Variants in PAX7 observed in about 807,000 individuals in gnomAD.
PAX7 encodes the protein paired box 7.
Under a neutral mutation model 50.7 loss-of-function variants are expected in PAX7, and 18 were observed. The ratio of observed to expected loss-of-function variants is 0.36; its 90% CI spans 0.25 to 0.53. The LOEUF is 0.53. Among genes scored for constraint, PAX7 ranks in the 20% least tolerant of loss-of-function variants. PAX7 has a pLI of 0.93. For missense variants in PAX7, 644 were observed against 702.9 expected (o/e 0.92, Z 0.95); for synonymous variants, 310 against 290.4 (o/e 1.07, Z -0.69).
At position 18,636,841 on chromosome 1, in the gene PAX7, C is replaced by T. The variant is rs1340752210; in HGVS notation, c.586+470C>T. Among the ~76,000 whole-genome samples, 1 of 152,200 alleles carries T rather than the reference C, an allele frequency of 6.6e-6. No homozygotes were observed. The highest frequency in any genetic ancestry group is 2.4e-5 in the African/African-American group (1 of 41,464). ...AATTTGTTAACCAGACCCCCACACG[C>T]TCTCTAAACGGTCCCTTGAAACCCC... On this transcript the variant is annotated intron_variant, in intron 4 of 8. Transcript: ENST00000420770. This position sits in a 1 kb window ranked among gnomAD's most constrained non-coding sequence, Gnocchi z 5.1.
intron 4 of PAX7, among the ~76,000 whole-genome samples, chr1:18,649,336 G>GAC (rs1415472381): frequency 6.6e-6 from 1 of 152,124 alleles, no homozygotes; most frequent in Non-Finnish European, 1.5e-5. Flanking sequence ...TGTTTAATGT[G>GAC]ACACATGCCT....
Position 18,735,989 on chromosome 1 carries a change from A to G in PAX7, c.1402+111A>G. 6.2e-7 allele frequency: 1 copy of G among 1,611,878 alleles called. No individual in the cohort carries two copies. The highest frequency in any genetic ancestry group is 8.5e-7 in the Non-Finnish European group (1 of 1,178,580). On this transcript the variant is annotated intron_variant, in intron 8 of 8. Coordinates refer to ENST00000420770, the MANE Select transcript of PAX7 (RefSeq NM_001135254.2). The surrounding 1 kb of genome is among the most constrained non-coding windows in gnomAD (Gnocchi z 4.0). ...GGTGGTGTCAGGGTGGGGAATGTCC[A>G]TTTCACAGATGGAAAAATTGAAGTC...
chr1:18,732,843 T>C (rs2089662846), intron 7 of PAX7, among the ~76,000 whole-genome samples: 1 of 152,004 alleles, frequency 6.6e-6, no homozygotes, highest in African/African-American at 2.4e-5. Flanking sequence ...CCTCCCATCA[T>C]CCCATCCGGG....
At chr1:18,631,712 G>T (rs746245699) in intron 1 of PAX7, 24 bp downstream of exon 1, 16 of 1,590,302 alleles carry the variant, frequency 1.0e-5, no homozygotes, top group Non-Finnish European at 1.2e-5. Context: ...GGCTGGCCTC[G>T]CCGCGACTCC....
intron 4 of PAX7, among the ~76,000 whole-genome samples, chr1:18,643,554 T>G (rs967544025): frequency 6.6e-6 from 1 of 151,028 alleles, no homozygotes; most frequent in Non-Finnish European, 1.5e-5. Context: ...ACCGAGAGAC[T>G]GGCCCTGGGA....
chr1:18,709,336 C>T (rs942146125), intron 7 of PAX7, among the ~76,000 whole-genome samples: 1 of 152,186 alleles, frequency 6.6e-6, no homozygotes, highest in South Asian at 2.1e-4. Flanking sequence ...CTCCTTTGTT[C>T]CTTTCTGGAG....
In PAX7 at chr1:18,700,077, CGTGTGTGTGTGTGT is replaced by C. The variant is rs66600721; in HGVS notation, c.787-549_787-536del. Among the ~76,000 whole-genome samples, 206 of 145,766 alleles carry C rather than the reference CGTGTGTGTGTGTGT, an allele frequency of 1.4e-3. No homozygotes were observed. The highest frequency in any genetic ancestry group is 6.9e-3 in the South Asian group (30 of 4,352). Reference sequence around the variant, plus strand: ...TTATCCCACTAATGTTTGATAAATCCGTGTGTGTGTGTGTGTGTGTGTGTGTGTGTGTGTGTGTG... The same window carrying C: ...TTATCCCACTAATGTTTGATAAATCCGTGTGTGTGTGTGTGTGTGTGTGTG... On this transcript the variant is annotated intron_variant, in intron 5 of 8. Coordinates refer to ENST00000420770, the MANE Select transcript of PAX7 (RefSeq NM_001135254.2). The surrounding 1 kb of genome is among the most constrained non-coding windows in gnomAD (Gnocchi z 4.8).
rs922254017 is a variant in PAX7, at chr1:18,747,156, G to T, written c.*2227G>T. Reference sequence around the variant, plus strand: ...TCCATCTGGAGGCCTGGCTCAGAAAGTATCTGAGTATCCTGACACCCTCTG... The same window carrying T: ...TCCATCTGGAGGCCTGGCTCAGAAATTATCTGAGTATCCTGACACCCTCTG... On this transcript the variant is annotated 3_prime_UTR_variant, in exon 9 of 9. Transcript: ENST00000420770. 1.0e-4 allele frequency: 23 copies of T among 229,812 alleles called. No individual in the cohort carries two copies. The highest frequency in any genetic ancestry group is 1.6e-4 in the Non-Finnish European group (19 of 115,958). 14.2% of individuals were successfully genotyped at this position (229,812 alleles called of 1,614,324 possible). A position where few individuals can be genotyped will look rare whatever the true frequency, so the allele number is the denominator to read the frequency against.
At chr1:18,740,013 G>A (rs1352717394) in intron 8 of PAX7, among the ~76,000 whole-genome samples, 1 of 152,174 alleles carries the variant, frequency 6.6e-6, no homozygotes, top group African/African-American at 2.4e-5. Flanking sequence ...GGCGCTGACG[G>A]CTGAGATTGT....
At chr1:18,722,437 G>A (rs368781699) in intron 7 of PAX7, among the ~76,000 whole-genome samples, 2 of 152,300 alleles carry the variant, frequency 1.3e-5, no homozygotes, top group East Asian at 3.9e-4. Context: ...TGTTTGGTAC[G>A]TCAATGCCGT....
At chr1:18,669,913 G>A (rs184760650) in intron 4 of PAX7, among the ~76,000 whole-genome samples, 2 of 152,076 alleles carry the variant, frequency 1.3e-5, no homozygotes, top group East Asian at 1.9e-4. Flanking sequence ...GTGAAACCCC[G>A]TCTCTACTAA....
intron 1 of PAX7, 128 bp downstream of exon 1, chr1:18,631,816 T>C: frequency 1.3e-6 from 1 of 771,864 alleles, no homozygotes; most frequent in East Asian, 2.7e-5. Flanking sequence ...CTCTTCTGGG[T>C]CCCAGTCCGG....
In PAX7 at chr1:18,645,642, T is replaced by C. The variant is rs568489544; in HGVS notation, c.586+9271T>C. Among the ~76,000 whole-genome samples the C allele has an allele frequency of 2.0e-5, 3 of 152,256 alleles. No individual in the cohort carries two copies. The East Asian group carries it at 5.8e-4, about 29-fold the overall frequency. On this transcript the variant is annotated intron_variant, in intron 4 of 8. Transcript: ENST00000420770. ...GTGGAGACAGAGCAACATTCAGAAGTTTTGTGAGGCGTGTGTGTGTTTGTG... is the reference window on the plus strand; with the variant it reads ...GTGGAGACAGAGCAACATTCAGAAGCTTTGTGAGGCGTGTGTGTGTTTGTG...
At chr1:18,635,804 T>TTGTGTG (rs1025305717) in intron 3 of PAX7, among the ~76,000 whole-genome samples, 2 of 150,296 alleles carry the variant, frequency 1.3e-5, no homozygotes, top group Non-Finnish European at 3.0e-5. Flanking sequence ...AAGTGATCTG[T>TTGTGTG]TGTGTGTGTG....
At chr1:18,664,568 C>T (rs2088641053) in intron 4 of PAX7, among the ~76,000 whole-genome samples, 1 of 152,208 alleles carries the variant, frequency 6.6e-6, no homozygotes. Flanking sequence ...GTGATCCTCA[C>T]AGCCCTCTAT....
At chr1:18,742,314 C>T (rs183076257) in intron 8 of PAX7, among the ~76,000 whole-genome samples, 8 of 152,200 alleles carry the variant, frequency 5.3e-5, no homozygotes, top group East Asian at 1.9e-4. Context: ...TGCGCCACCA[C>T]GTCCGGCTAA....
At chr1:18,688,876 TG>T (rs2089015823) in intron 4 of PAX7, among the ~76,000 whole-genome samples, 1 of 152,156 alleles carries the variant, frequency 6.6e-6, no homozygotes, top group Non-Finnish European at 1.5e-5. Context: ...ATGGCGCCAC[TG>T]CACTCTAGCC....
intron 4 of PAX7, among the ~76,000 whole-genome samples, chr1:18,666,002 A>C (rs902301929): frequency 6.6e-6 from 1 of 152,090 alleles, no homozygotes; most frequent in Non-Finnish European, 1.5e-5. Flanking sequence ...GAAATGGTGA[A>C]GTTTTCCTGT....
At chr1:18,694,464 A>ATAAATAAATAAG (rs1206235936) in intron 5 of PAX7, among the ~76,000 whole-genome samples, 1,006 of 34,252 alleles carry the variant, frequency 0.029, 14 homozygotes, top group African/African-American at 0.12. Context: ...TGTCTCGAAA[A>ATAAATAAATAAG]TAAATAAATA....
Sources: allele counts gnomAD v4.1 joint callset (sites outside exome capture counted in the v4.1 genomes callset), GRCh38; gene constraint gnomAD v4.1.1; non-coding constraint Gnocchi (gnomAD v3.1); transcripts MANE v1.5; gene names NCBI Gene and HGNC (gene_info 2026-07-23, HGNC 2026-07-21).